Variants in TEKT5 observed in about 807,000 individuals in gnomAD.
TEKT5 encodes tektin 5, also known as tektin-5.
TEKT5 carries 52 observed loss-of-function variants against 48.7 expected under a neutral mutation model. The observed-to-expected ratio is 1.07, with a 90% CI of 0.86 to 1.35. The LOEUF (loss-of-function observed/expected upper bound fraction) is 1.35. Among genes scored for constraint, TEKT5 ranks in the 40% most tolerant of loss-of-function variants. The probability of loss-of-function intolerance (pLI) is 0.00; values close to 1 mark genes in which losing one functional copy is unlikely to be tolerated. For missense variants in TEKT5, 831 were observed against 641.6 expected (o/e 1.30, Z -3.19); for synonymous variants, 318 against 267.6 (o/e 1.19, Z -1.84).
intron 6 of TEKT5, among the ~76,000 whole-genome samples, chr16:10,629,397 C>T (rs1180079298): frequency 6.6e-6 from 1 of 151,950 alleles, no homozygotes; most frequent in Non-Finnish European, 1.5e-5. Flanking sequence ...ATTACAGGCA[C>T]GTGCCGCCAC....
chr16:10,650,911 G>A (rs984258911), intron 5 of TEKT5, among the ~76,000 whole-genome samples: 1 of 150,758 alleles, frequency 6.6e-6, no homozygotes, highest in Non-Finnish European at 1.5e-5. Context: ...CACACCCACT[G>A]TATCTGGGGG....
intron 1 of TEKT5, 26 bp downstream of exon 1, chr16:10,694,284 A>T (rs1394131794): frequency 3.3e-6 from 5 of 1,532,418 alleles, no homozygotes; most frequent in Non-Finnish European, 4.4e-6. Flanking sequence ...ACACAGCCAC[A>T]GCCCTGTCCC....
chr16:10,681,982 C>A lies in TEKT5; in HGVS notation c.863+11G>T, dbSNP rs1309754291. ...CACGCCAGGGATGGGGAGGGGGAGT[C>A]TGATACTTACGTGCCGTCAATTTTC... is the stretch of plus-strand genomic sequence containing the variant. On this transcript the variant is annotated intron_variant, in intron 4 of 6. Coordinates refer to ENST00000283025, the MANE Select transcript of TEKT5 (RefSeq NM_144674.2). The A allele has an allele frequency of 3.7e-6, 6 of 1,613,244 alleles. No individual in the cohort carries two copies. The African/African-American group carries it at 6.7e-5, about 18-fold the overall frequency.
intron 6 of TEKT5, among the ~76,000 whole-genome samples, chr16:10,628,801 G>A (rs1897793323): frequency 3.3e-5 from 5 of 151,614 alleles, no homozygotes. Context: ...AGCTACTCGA[G>A]AGGCTGAGGT....
intron 3 of TEKT5, among the ~76,000 whole-genome samples, chr16:10,686,121 A>C (rs968532070): frequency 6.6e-6 from 1 of 152,234 alleles, no homozygotes; most frequent in African/African-American, 2.4e-5. Context: ...CAGAATAGAG[A>C]GCCCAGAAAT....
At chr16:10,683,422 G>T (rs1211078888) in intron 3 of TEKT5, among the ~76,000 whole-genome samples, 7 of 152,214 alleles carry the variant, frequency 4.6e-5, no homozygotes, top group Non-Finnish European at 8.8e-5. Context: ...GAGGACAATG[G>T]ATCAGGGCCA....
At chr16:10,675,879 G>T in intron 5 of TEKT5, 80 bp downstream of exon 5, 3 of 1,436,708 alleles carry the variant, frequency 2.1e-6, no homozygotes, top group Non-Finnish European at 2.9e-6. Flanking sequence ...GGGCCAGCTT[G>T]GCCCAGATAA....
chr16:10,687,247 CAT>C lies in TEKT5; in HGVS notation c.719+2004_719+2005del, dbSNP rs563034489. ...CACAAAAAATAAGTATGTGAGGTAA[CAT>C]ATATGTTAATTAGTTCCAATTAGTT... On this transcript the variant is annotated intron_variant, in intron 3 of 6. Coordinates refer to ENST00000283025, the MANE Select transcript of TEKT5 (RefSeq NM_144674.2). 1.8e-3 allele frequency among the ~76,000 whole-genome samples: 279 copies of C among 152,202 alleles called. 1 individual carries two copies. Among genetic ancestry groups the C allele is most frequent in the African/African-American group, 6.5e-3 (269 of 41,532 alleles).
rs1898571925 is a variant in TEKT5, at chr16:10,672,848, GTTTTTTTTTGTTT to G, written c.1086+3098_1086+3110del. Among the ~76,000 whole-genome samples, 3 of 147,036 alleles carry G rather than the reference GTTTTTTTTTGTTT, an allele frequency of 2.0e-5. No individual in the cohort carries two copies. In the South Asian group the frequency reaches 6.6e-4, roughly 32 times the overall value. ...CTCACGGCAGTTATTTTTTGTTTTT[GTTTTTTTTTGTTT>G]TTTTTTTTTGAGACAAGATCTTGCT... On this transcript the variant is annotated intron_variant, in intron 5 of 6. Coordinates refer to ENST00000283025, the MANE Select transcript of TEKT5 (RefSeq NM_144674.2).
intron 3 of TEKT5, among the ~76,000 whole-genome samples, chr16:10,684,793 C>G (rs956733612): frequency 5.9e-5 from 9 of 152,210 alleles, no homozygotes; most frequent in Admixed American, 5.9e-4. Context: ...ATGCCAAGCT[C>G]ACCCTGCTGT....
chr16:10,632,013 T>TC (rs146779629), intron 6 of TEKT5, among the ~76,000 whole-genome samples: 2 of 152,158 alleles, frequency 1.3e-5, no homozygotes, highest in Non-Finnish European at 2.9e-5. Flanking sequence ...GTCCCACCTC[T>TC]GGGGAGAAGA....
intron 5 of TEKT5, among the ~76,000 whole-genome samples, chr16:10,654,681 CCT>C (rs1898227217): frequency 6.6e-6 from 1 of 152,066 alleles, no homozygotes; most frequent in South Asian, 2.1e-4. Context: ...AGCCTCAGCC[CCT>C]GACTCTTAGA....
Position 10,694,549 on chromosome 16 carries a change from G to A in TEKT5, c.325C>T (p.Arg109Trp), listed in dbSNP as rs9922129. 8.8e-5 allele frequency: 141 copies of A among 1,604,096 alleles called. No individual in the cohort carries two copies. The highest frequency in any genetic ancestry group is 4.0e-4 in the East Asian group (18 of 44,788). Residue 109 changes from arginine to tryptophan, a missense_variant, in exon 1 of 7, where the codon CGG becomes TGG. Transcript: ENST00000283025. ...TCCGTCAGCCGGCTGGCCCACAGCC[G>A]GGAGGCCTCGGCCCCACGCACCTGC... Reference protein sequence around the residue: ...QLQVRGAEASRLWASRLTDDS... With the variant: ...QLQVRGAEASWLWASRLTDDS...
chr16:10,681,377 G>GTCTCTCTCTC (rs59484637), intron 4 of TEKT5, among the ~76,000 whole-genome samples: 1 of 38,788 alleles, frequency 2.6e-5, no homozygotes, highest in African/African-American at 1.1e-4. Flanking sequence ...TCCACTCTCT[G>GTCTCTCTCTC]TCTCTCTCTC....
Position 10,640,100 on chromosome 16 carries a change from C to T in TEKT5, c.1087-4182G>A, listed in dbSNP as rs1567225350. ...TTCTTCTCCTTCCTTCCTTCCCTCT[C>T]CCCTCCTCCCGTCTTCCTCCTCCCC... On this transcript the variant is annotated intron_variant, in intron 5 of 6. Coordinates refer to ENST00000283025, the MANE Select transcript of TEKT5 (RefSeq NM_144674.2). Among the ~76,000 whole-genome samples, 1,330 of 141,814 alleles carry T rather than the reference C, an allele frequency of 9.4e-3. 47 individuals carry two copies. The highest frequency in any genetic ancestry group is 0.035 in the African/African-American group (1,271 of 36,004). 93.0% of individuals were successfully genotyped at this position (141,814 alleles called of 152,430 possible). A position where few individuals can be genotyped will look rare whatever the true frequency, so the allele number is the denominator to read the frequency against.
chr16:10,657,974 T>C (rs1308767156), intron 5 of TEKT5, among the ~76,000 whole-genome samples: 5 of 152,152 alleles, frequency 3.3e-5, no homozygotes, highest in Admixed American at 2.6e-4. Flanking sequence ...AAATGTACTG[T>C]GGTTTTCAGT....
intron 5 of TEKT5, among the ~76,000 whole-genome samples, chr16:10,639,920 G>A (rs887065538): frequency 1.3e-5 from 2 of 152,152 alleles, no homozygotes; most frequent in Non-Finnish European, 2.9e-5. Flanking sequence ...ACTGGAGGCT[G>A]GCACTGCCTC....
At chr16:10,664,218 G>A (rs969567841) in intron 5 of TEKT5, among the ~76,000 whole-genome samples, 9 of 152,150 alleles carry the variant, frequency 5.9e-5, no homozygotes, top group African/African-American at 2.2e-4. Context: ...TGAATCCCCA[G>A]CGCCTAACTC....
At chr16:10,654,702 C>G (rs1898227611) in intron 5 of TEKT5, among the ~76,000 whole-genome samples, 1 of 152,166 alleles carries the variant, frequency 6.6e-6, no homozygotes. Flanking sequence ...GACCTTAGGA[C>G]TGGAACTCAA....
Sources: gnomAD v4.1 joint callset for allele counts (sites outside exome capture counted in the v4.1 genomes callset) on GRCh38, gnomAD v4.1.1 for gene constraint, MANE v1.5 for transcripts, NCBI Gene and HGNC (gene_info 2026-07-23, HGNC 2026-07-21) for gene names.